The following STAT5B variants were observed in gnomAD, a reference collection of about 807,000 sequenced individuals.
STAT5B encodes the protein signal transducer and activator of transcription 5B, also known as transcription factor STAT5B.
Under a neutral mutation model 107.8 loss-of-function variants are expected in STAT5B, and 21 were observed. That is an observed-to-expected ratio of 0.19 (90% CI 0.14 to 0.28). The LOEUF is 0.28. Ranked by LOEUF, STAT5B falls within the 10% of genes least tolerant of loss-of-function variation. The pLI, the probability that STAT5B is intolerant of heterozygous loss-of-function variation, is 1.00. For synonymous variants in STAT5B, 325 were observed against 401.7 expected (o/e 0.81, Z 2.28); for missense variants, 565 against 1,008.2 (o/e 0.56, Z 5.95).
chr17:42,231,303 G>A (rs532278289), intron 2 of STAT5B, among the ~76,000 whole-genome samples: 38 of 152,200 alleles, frequency 2.5e-4, no homozygotes, highest in African/African-American at 9.1e-4. Flanking sequence ...ACCATGTCCA[G>A]TGAAACACTG....
chr17:42,256,273 G>A (rs142941615), intron 1 of STAT5B, among the ~76,000 whole-genome samples: 8 of 151,900 alleles, frequency 5.3e-5, no homozygotes, highest in Admixed American at 1.3e-4. Flanking sequence ...TTGAGACAGC[G>A]TCTCACTCTG....
At chr17:42,227,385 A>G in intron 3 of STAT5B, 144 bp downstream of exon 3, 1 of 1,226,330 alleles carries the variant, frequency 8.2e-7, no homozygotes, top group Non-Finnish European at 1.1e-6. Context: ...AAGTAAAAAA[A>G]AAAAAAAAGA....
chr17:42,278,773 G>A (rs1024372758), upstream of STAT5B, among the ~76,000 whole-genome samples: 8 of 152,104 alleles, frequency 5.3e-5, no homozygotes, highest in African/African-American at 1.9e-4. Context: ...GAGGTCAGGT[G>A]TTCCAGACCA....
chr17:42,219,155 G>A (rs2080201423), intron 7 of STAT5B, among the ~76,000 whole-genome samples, 157 bp downstream of exon 7: 1 of 152,194 alleles, frequency 6.6e-6, no homozygotes, highest in African/African-American at 2.4e-5. Flanking sequence ...GCACAGGATG[G>A]GGGCCAAAGT....
chr17:42,250,607 G>A (rs1444039293), intron 1 of STAT5B, among the ~76,000 whole-genome samples: 1 of 152,092 alleles, frequency 6.6e-6, no homozygotes. Context: ...CTCAGGCTGT[G>A]AACCACAGTG....
chr17:42,224,181 C>A lies in STAT5B; in HGVS notation c.375+598G>T, dbSNP rs1232298802. On this transcript the variant is annotated intron_variant, in intron 4 of 18. Coordinates refer to ENST00000293328, the MANE Select transcript of STAT5B (RefSeq NM_012448.4). The stretch of plus-strand genomic sequence containing the variant: ...ACTCCTTCCACACCTGATTCAGGGG[C>A]TAGGGAAAAGTCTTTCCTAAGTATT... Among the ~76,000 whole-genome samples the A allele has an allele frequency of 2.6e-5, 4 of 152,124 alleles. No individual in the cohort carries two copies. The East Asian group carries it at 7.7e-4, about 29-fold the overall frequency.
upstream of STAT5B, among the ~76,000 whole-genome samples, chr17:42,281,367 A>G (rs1190586580): frequency 6.6e-6 from 1 of 152,164 alleles, no homozygotes; most frequent in African/African-American, 2.4e-5. Context: ...AAGGGCAGAG[A>G]CTAACTTTTC....
intron 1 of STAT5B, among the ~76,000 whole-genome samples, chr17:42,243,768 TGTCCCTGGTG>T (rs1173245548): frequency 9.9e-5 from 15 of 152,218 alleles, no homozygotes; most frequent in Admixed American, 2.6e-4. Context: ...ACTTTGAAAC[TGTCCCTGGTG>T]GTCAATAAAA....
intron 3 of STAT5B, among the ~76,000 whole-genome samples, chr17:42,225,774 T>A (rs1469059295): frequency 6.6e-6 from 1 of 152,194 alleles, no homozygotes; most frequent in Non-Finnish European, 1.5e-5. Context: ...ATTTCTGAGC[T>A]GCGGTTGGTG....
At chr17:42,276,853 C>G (rs1157588238), upstream of STAT5B, 1 of 152,314 alleles carries the variant, frequency 6.6e-6, no homozygotes, top group Non-Finnish European at 1.5e-5. The surrounding 1 kb of genome is among the most constrained non-coding windows in gnomAD (Gnocchi z 4.8). Context: ...GTCAGAAGTC[C>G]ACAGGGGCCC....
At chr17:42,269,277 T>C (rs1290725737) in intron 1 of STAT5B, among the ~76,000 whole-genome samples, 1 of 152,142 alleles carries the variant, frequency 6.6e-6, no homozygotes, top group Admixed American at 6.6e-5. Flanking sequence ...TTTCACCATG[T>C]TGGCCAGGCT....
intron 1 of STAT5B, among the ~76,000 whole-genome samples, chr17:42,256,644 G>A (rs2080547366): frequency 6.6e-6 from 1 of 151,982 alleles, no homozygotes; most frequent in Non-Finnish European, 1.5e-5. Flanking sequence ...CAGGTCACGA[G>A]GTTAGGAGAT....
chr17:42,202,660 G>C (rs577663080), intron 17 of STAT5B, 97 bp downstream of exon 17: 1 of 1,594,962 alleles, frequency 6.3e-7, no homozygotes, highest in East Asian at 2.2e-5. Flanking sequence ...CAGTTTCCCC[G>C]GGGGAGCGGA....
intron 1 of STAT5B, among the ~76,000 whole-genome samples, chr17:42,263,124 T>C (rs886963970): frequency 9.5e-5 from 14 of 147,400 alleles, no homozygotes; most frequent in Admixed American, 1.4e-4. Context: ...CAGCCTCCAC[T>C]TCCCAGGTTC....
intron 7 of STAT5B, 123 bp downstream of exon 7, chr17:42,219,189 G>C: frequency 7.2e-7 from 1 of 1,379,720 alleles, no homozygotes; most frequent in Non-Finnish European, 9.7e-7. Context: ...CAGGCTCCCT[G>C]GAGAAACAAG....
chr17:42,273,635 GAAAATAGTTAGGCTTCCTTCGATTCC>G (rs1466895109), intron 1 of STAT5B, among the ~76,000 whole-genome samples: 2 of 152,288 alleles, frequency 1.3e-5, no homozygotes, highest in East Asian at 3.9e-4. Flanking sequence ...TGTAGGGCAC[GAAAATAGTTAGGCTTCCTTCGATTCC>G]ACCTGTAACC....
intron 1 of STAT5B, among the ~76,000 whole-genome samples, chr17:42,252,578 T>C (rs1029135845): frequency 1.3e-5 from 2 of 152,192 alleles, no homozygotes; most frequent in Non-Finnish European, 2.9e-5. Flanking sequence ...TTGGGGGAAA[T>C]GGATGGTAGG....
At chr17:42,223,248 A>G (rs1031422693) in intron 5 of STAT5B, 134 bp downstream of exon 5, 45 of 1,333,032 alleles carry the variant, frequency 3.4e-5, no homozygotes, top group Non-Finnish European at 4.6e-5. Flanking sequence ...TTCAATGCAA[A>G]TAAGTCCCTG....
At chr17:42,250,652 C>T (rs2080490963) in intron 1 of STAT5B, among the ~76,000 whole-genome samples, 1 of 152,094 alleles carries the variant, frequency 6.6e-6, no homozygotes, top group Non-Finnish European at 1.5e-5. Context: ...AGGCCGGGCG[C>T]GGTGGCTCAT....
Sources: gnomAD v4.1 joint callset for allele counts (sites outside exome capture counted in the v4.1 genomes callset) on GRCh38, gnomAD v4.1.1 for gene constraint, Gnocchi (gnomAD v3.1) non-coding constraint, MANE v1.5 for transcripts, NCBI Gene and HGNC (gene_info 2026-07-23, HGNC 2026-07-21) for gene names.